The following HTR5A variants were observed in gnomAD, a reference collection of about 807,000 sequenced individuals.
The protein encoded by HTR5A is 5-HT-5.
A neutral mutation model predicts 24.3 loss-of-function variants in HTR5A; 21 were observed. The ratio of observed to expected loss-of-function variants is 0.86; its 90% CI spans 0.61 to 1.24. The LOEUF (loss-of-function observed/expected upper bound fraction) is 1.24, where lower values mean the gene tolerates loss of function less well. Ranked by LOEUF, HTR5A falls within the 50% of genes most tolerant of loss-of-function variation. The pLI is 0.00. For synonymous variants in HTR5A, 260 were observed against 213.7 expected, an observed-to-expected ratio of 1.22 and a Z score of -1.89; for missense variants, 497 against 489.5, an observed-to-expected ratio of 1.02 and a Z score of -0.15.
chr7:155,074,657 T>G (rs2150818064), intron 1 of HTR5A: 1 of 152,352 alleles, frequency 6.6e-6, no homozygotes, highest in Admixed American at 6.5e-5. Flanking sequence ...CCTTCTATTA[T>G]TCTAACCCTA....
intron 1 of HTR5A, among the ~76,000 whole-genome samples, chr7:155,078,966 C>CT (rs1213196699): frequency 2.8e-5 from 4 of 142,192 alleles, no homozygotes; most frequent in African/African-American, 1.0e-4. Context: ...TCTTTTCTTT[C>CT]TTTTTTTGAG....
chr7:155,080,239 C>T (rs1432980105), intron 1 of HTR5A, among the ~76,000 whole-genome samples: 1 of 152,194 alleles, frequency 6.6e-6, no homozygotes, highest in Non-Finnish European at 1.5e-5. Context: ...AGGTTTAAAG[C>T]TTTCTACATA....
At chr7:155,073,348 TG>T (rs1432954231) in intron 1 of HTR5A, among the ~76,000 whole-genome samples, 1 of 126,884 alleles carries the variant, frequency 7.9e-6, no homozygotes, top group East Asian at 2.5e-4. Flanking sequence ...GAATTGAGGA[TG>T]GGGTGTTAAT....
chr7:155,071,536 C>A lies in HTR5A; in HGVS notation c.637C>A (p.Leu213Ile), dbSNP rs1373699668. The A allele has an allele frequency of 1.9e-6, 3 of 1,614,210 alleles. No individual in the cohort carries two copies. Among genetic ancestry groups the A allele is most frequent in the Middle Eastern group, 1.7e-4 (1 of 6,058 alleles). The change falls in exon 1 of 2, where the codon CTC (leucine) becomes ATC (isoleucine). Residue 213 changes from leucine to isoleucine, a missense_variant. Transcript: ENST00000287907. ...FSTVGAFYLPLCVVLFVYWKI... is the reference protein window; with the variant it reads ...FSTVGAFYLPICVVLFVYWKI... ...CACCGTAGGCGCCTTCTACCTGCCGCTCTGTGTGGTGCTCTTCGTGTACTG... is the reference window on the plus strand; with the variant it reads ...CACCGTAGGCGCCTTCTACCTGCCGATCTGTGTGGTGCTCTTCGTGTACTG...
intron 1 of HTR5A, among the ~76,000 whole-genome samples, chr7:155,073,993 G>A (rs572165228): frequency 1.4e-4 from 21 of 150,862 alleles, no homozygotes; most frequent in African/African-American, 4.2e-4. Flanking sequence ...TTAGCAAAAG[G>A]ACCCAAAATA....
At position 155,084,185 on chromosome 7, in the gene HTR5A, G is replaced by A; in HGVS notation, c.772G>A (p.Val258Met). ...GGACTCTGCCAAACAGCCCCAGATG[G>A]TGTTCACGGTCCGCCACGCCACCGT... ...VKDSAKQPQM[V>M]FTVRHATVTF... The change falls in exon 2 of 2, where the codon GTG (valine) becomes ATG (methionine). Residue 258 changes from valine to methionine, a missense_variant. Physicochemically the swap from Val to Met is conservative, Grantham distance 21 (BLOSUM62 1). Coordinates refer to ENST00000287907, the MANE Select transcript of HTR5A (RefSeq NM_024012.4). 1 of 1,612,556 alleles carries A rather than the reference G, an allele frequency of 6.2e-7. No individual in the cohort carries two copies. Among genetic ancestry groups the A allele is most frequent in the Non-Finnish European group, 8.5e-7 (1 of 1,179,406 alleles).
chr7:155,070,965 C>T lies in HTR5A; in HGVS notation c.66C>T (p.His22=), dbSNP rs761290243. The T allele has an allele frequency of 6.8e-6, 11 of 1,610,910 alleles. No individual in the cohort carries two copies. The highest frequency in any genetic ancestry group is 6.7e-5 in the Admixed American group (4 of 60,010). Residue 22 remains histidine, a synonymous_variant, in exon 1 of 2, where the codon CAC becomes CAT. Coordinates refer to ENST00000287907, the MANE Select transcript of HTR5A (RefSeq NM_024012.4). ...LSTPSPLETN[H]SLGKDDLRPS... Reference sequence around the variant, plus strand: ...CCCCCTCCCCTTTGGAGACCAACCACAGCCTCGGCAAAGACGACCTGCGCC... The same window carrying T: ...CCCCCTCCCCTTTGGAGACCAACCATAGCCTCGGCAAAGACGACCTGCGCC...
intron 1 of HTR5A, among the ~76,000 whole-genome samples, chr7:155,075,114 G>T (rs1177801979): frequency 2.0e-5 from 3 of 152,190 alleles, no homozygotes; most frequent in African/African-American, 7.2e-5. Flanking sequence ...AGTTGCCCTT[G>T]ATCAGTAGAC....
intron 1 of HTR5A, among the ~76,000 whole-genome samples, chr7:155,076,613 C>G (rs1795361941): frequency 6.6e-6 from 1 of 152,144 alleles, no homozygotes; most frequent in African/African-American, 2.4e-5. Flanking sequence ...AGCCAGGACA[C>G]TTTAATTATA....
Position 155,071,032 on chromosome 7 carries a change from A to T in HTR5A, c.133A>T (p.Thr45Ser). ...LLSVFGVLIL[T>S]LLGFLVAATF... ...CTCGGTCTTCGGAGTGCTTATTCTC[A>T]CCTTGCTGGGCTTTCTGGTGGCGGC... Residue 45 changes from threonine (T) to serine (S), a missense_variant, in exon 1 of 2, where the codon ACC (threonine) becomes TCC (serine). Transcript: ENST00000287907. 6.2e-7 allele frequency: 1 copy of T among 1,609,792 alleles called. No individual in the cohort carries two copies. Among genetic ancestry groups the T allele is most frequent in the South Asian group, 1.1e-5 (1 of 90,968 alleles).
rs1444938513 is a variant in HTR5A at position 155,086,304 on chromosome 7, G to T, written c.*1817G>T. Among the ~76,000 whole-genome samples the T allele has an allele frequency of 6.6e-6, 1 of 152,214 alleles. No individual in the cohort carries two copies. The highest frequency in any genetic ancestry group is 1.5e-5 in the Non-Finnish European group (1 of 68,036). On this transcript the variant is annotated 3_prime_UTR_variant, in exon 2 of 2. Coordinates refer to ENST00000287907, the MANE Select transcript of HTR5A (RefSeq NM_024012.4). ...ACTAGAATCAAGGGTAAACGCTTAAGTCTATTCTACCTGAAAATCCATGTG... is the reference window on the plus strand; with the variant it reads ...ACTAGAATCAAGGGTAAACGCTTAATTCTATTCTACCTGAAAATCCATGTG...
At chr7:155,079,672 A>G (rs556071957) in intron 1 of HTR5A, among the ~76,000 whole-genome samples, 3 of 152,342 alleles carry the variant, frequency 2.0e-5, no homozygotes, top group Non-Finnish European at 4.4e-5. Flanking sequence ...TCATAATGCA[A>G]TTTTAAATAG....
Position 155,084,254 on chromosome 7 carries a change from C to T in HTR5A, c.841C>T (p.Gln281Ter). ...EGDTWREQKE[Q>*]RAALMVGILI... is the part of the protein sequence containing the mutation. ...GGACACGTGGCGGGAGCAGAAGGAGCAGCGGGCCGCCCTCATGGTGGGCAT... is the reference window on the plus strand; with the variant it reads ...GGACACGTGGCGGGAGCAGAAGGAGTAGCGGGCCGCCCTCATGGTGGGCAT... The change falls in exon 2 of 2, where the codon CAG becomes TAG. Residue 281 changes from glutamine to a stop codon, truncating the protein, a stop_gained. Coordinates refer to ENST00000287907, the MANE Select transcript of HTR5A (RefSeq NM_024012.4). LOFTEE classifies it high-confidence loss of function. The T allele has an allele frequency of 1.2e-6, 2 of 1,614,160 alleles. No individual in the cohort carries two copies. The highest frequency in any genetic ancestry group is 1.7e-6 in the Non-Finnish European group (2 of 1,180,028).
At chr7:155,072,229 T>C (rs1196986107) in intron 1 of HTR5A, among the ~76,000 whole-genome samples, 2 of 152,212 alleles carry the variant, frequency 1.3e-5, no homozygotes, top group Non-Finnish European at 2.9e-5. Flanking sequence ...CGTCCTGACG[T>C]AAGACTGAAG....
At chr7:155,073,889 G>GTATA (rs1169692099) in intron 1 of HTR5A, among the ~76,000 whole-genome samples, 132 of 9,670 alleles carry the variant, frequency 0.014, 1 homozygote, top group African/African-American at 0.018. Flanking sequence ...ATATATATAT[G>GTATA]TATATATATA....
chr7:155,072,482 G>A (rs1795308450), intron 1 of HTR5A, among the ~76,000 whole-genome samples: 1 of 152,162 alleles, frequency 6.6e-6, no homozygotes, highest in Non-Finnish European at 1.5e-5. Context: ...CAGCGAGGGA[G>A]CTTTTCTCAT....
Position 155,070,638 on chromosome 7 carries a change from C to A in HTR5A, c.-262C>A, listed in dbSNP as rs1484062523. On this transcript the variant is annotated 5_prime_UTR_variant, in exon 1 of 2. Transcript: ENST00000287907. ...AGCCCTGGGCTCCTGACAGCTTAGG[C>A]GGGCCCTGGCTGCGACACGCAGCCC... 1 of 521,224 alleles carries A rather than the reference C, an allele frequency of 1.9e-6. No homozygotes were observed. The highest frequency in any genetic ancestry group is 1.9e-5 in the African/African-American group (1 of 52,380). 32.3% of individuals were successfully genotyped at this position (521,224 alleles called of 1,614,324 possible). A position where few individuals can be genotyped will look rare whatever the true frequency, so the allele number is the denominator to read the frequency against.
At position 155,070,811 on chromosome 7, in the gene HTR5A, A is replaced by C; in HGVS notation, c.-89A>C. The stretch of plus-strand genomic sequence containing the variant: ...CCCCCACTGGCCAGAGGTTGCAAAC[A>C]TCCGGATTGGCTCTGGGCACAGTGG... On this transcript the variant is annotated 5_prime_UTR_variant, in exon 1 of 2. Transcript: ENST00000287907. 1 of 1,374,636 alleles carries C rather than the reference A, an allele frequency of 7.3e-7. No homozygotes were observed. Among genetic ancestry groups the C allele is most frequent in the Non-Finnish European group, 9.9e-7 (1 of 1,013,774 alleles). 85.2% of individuals were successfully genotyped at this position (1,374,636 alleles called of 1,614,324 possible). A position where few individuals can be genotyped will look rare whatever the true frequency, so the allele number is the denominator to read the frequency against.
At chr7:155,073,877 G>GTATATATATACA (rs1795328113) in intron 1 of HTR5A, among the ~76,000 whole-genome samples, 4 of 8,008 alleles carry the variant, frequency 5.0e-4, no homozygotes, top group African/African-American at 6.3e-4. Flanking sequence ...ATATATATAT[G>GTATATATATACA]TATATATATA....
Sources: allele counts gnomAD v4.1 joint callset (sites outside exome capture counted in the v4.1 genomes callset), GRCh38; gene constraint gnomAD v4.1.1; transcripts MANE v1.5; gene names NCBI Gene and HGNC (gene_info 2026-07-23, HGNC 2026-07-21).